The following BIRC6 variants were observed in gnomAD, a reference collection of about 807,000 sequenced individuals.
BIRC6 encodes the protein dual E2 ubiquitin-conjugating enzyme/E3 ubiquitin-protein ligase BIRC6.
In BIRC6, 98 loss-of-function variants were observed where a neutral mutation model predicts 503.3. That is an observed-to-expected ratio of 0.19 (90% CI 0.17 to 0.23). The LOEUF (loss-of-function observed/expected upper bound fraction) is 0.23. BIRC6 is among the 10% of genes least tolerant of loss of function. The pLI is 1.00. For synonymous variants in BIRC6, 2,240 were observed against 2,078.7 expected (o/e 1.08, Z -2.11); for missense variants, 5,360 against 5,806.0 (o/e 0.92, Z 2.50).
intron 1 of BIRC6, among the ~76,000 whole-genome samples, chr2:32,376,757 A>T (rs906884889): frequency 3.3e-5 from 5 of 152,228 alleles, no homozygotes; most frequent in Non-Finnish European, 7.3e-5. Context: ...CCTGTAATAA[A>T]GTTTAATTTA....
chr2:32,433,703 A>T lies in BIRC6; in HGVS notation c.3308A>T (p.His1103Leu). ...LVLPKACMVG[H>L]VDFKFVLNSN... Reference sequence around the variant, plus strand: ...CTACCTAAAGCTTGTATGGTTGGACATGTGGACTTCAAATTCGTTTTGAAC... The same window carrying T: ...CTACCTAAAGCTTGTATGGTTGGACTTGTGGACTTCAAATTCGTTTTGAAC... The change falls in exon 13 of 74, where the codon CAT (histidine) becomes CTT (leucine). Residue 1103 changes from histidine to leucine, a missense_variant. His to Leu is a moderately conservative substitution (Grantham distance 99). This residue lies in a region of BIRC6 where 2,299 missense variants were observed against 2,267.2 expected (regional missense o/e 1.01). Coordinates refer to ENST00000421745, the MANE Select transcript of BIRC6 (RefSeq NM_016252.4). The T allele has an allele frequency of 6.2e-7, 1 of 1,607,262 alleles. No homozygotes were observed. Among genetic ancestry groups the T allele is most frequent in the Non-Finnish European group, 8.5e-7 (1 of 1,175,096 alleles).
At position 32,415,776 on chromosome 2, in the gene BIRC6, A is replaced by T. The variant is rs1440637034; in HGVS notation, c.2485A>T (p.Lys829Ter). ...TAGTGGTGGATATTTAGTGCTTTAT[A>T]AAATGAATTATGCCACTCGGATAGT... ...NVSGGYLVLYKMNYATRIVTL... is the reference protein window; with the variant it reads ...NVSGGYLVLY The change falls in exon 10 of 74, where the codon AAA (lysine) becomes TAA (stop). Residue 829 changes from lysine (K) to a stop codon, truncating the protein, a stop_gained. Coordinates refer to ENST00000421745, the MANE Select transcript of BIRC6 (RefSeq NM_016252.4). LOFTEE classifies it high-confidence loss of function. 6.2e-7 allele frequency: 1 copy of T among 1,613,732 alleles called. No individual in the cohort carries two copies.
chr2:32,475,321 A>G (rs948487854), intron 33 of BIRC6, among the ~76,000 whole-genome samples: 9 of 152,154 alleles, frequency 5.9e-5, no homozygotes, highest in Admixed American at 2.6e-4. Flanking sequence ...TACATGCTGT[A>G]TGGAGAACAC....
chr2:32,612,304 A>C (rs2062933266), intron 73 of BIRC6, among the ~76,000 whole-genome samples: 1 of 152,160 alleles, frequency 6.6e-6, no homozygotes. Flanking sequence ...TTAGGGGAGA[A>C]AGCAGTTGTT....
chr2:32,574,166 T>TC (rs1469680473), intron 65 of BIRC6, among the ~76,000 whole-genome samples: 22 of 150,778 alleles, frequency 1.5e-4, no homozygotes, highest in African/African-American at 5.1e-4. Flanking sequence ...TTTTCTTTTT[T>TC]TTTTTTTTTT....
At chr2:32,360,602 C>G (rs1039418286) in intron 1 of BIRC6, among the ~76,000 whole-genome samples, 6 of 152,158 alleles carry the variant, frequency 3.9e-5, no homozygotes, top group Non-Finnish European at 8.8e-5. Context: ...TTAGCTAAGT[C>G]TTAGTCATTT....
Position 32,468,099 on chromosome 2 carries a change from A to T in BIRC6, c.5768A>T (p.Asp1923Val). The change falls in exon 28 of 74, where the codon GAT (aspartate) becomes GTT (valine). Residue 1923 changes from aspartate (D) to valine (V), a missense_variant. By Grantham distance (152) the Asp-to-Val change is radical. Transcript: ENST00000421745. ...HLAMMVALQE[D>V]IQCRYNLACH... ...GCAATGATGGTTGCTTTGCAGGAGG[A>T]TATACAGTGCAGGTTAGTACAGAGT... 6.2e-7 allele frequency: 1 copy of T among 1,613,868 alleles called. No homozygotes were observed. The highest frequency in any genetic ancestry group is 1.1e-5 in the South Asian group (1 of 91,048).
At chr2:32,578,876 C>CT (rs1267888924) in intron 66 of BIRC6, among the ~76,000 whole-genome samples, 2 of 150,772 alleles carry the variant, frequency 1.3e-5, no homozygotes, top group Non-Finnish European at 3.0e-5. Flanking sequence ...ATATTTCTGT[C>CT]TCTATTACTG....
intron 12 of BIRC6, 91 bp downstream of exon 12, chr2:32,431,181 C>CTTTTTATTTTTTTTT (rs2044061117): frequency 1.5e-5 from 1 of 65,364 alleles, no homozygotes; most frequent in African/African-American, 9.7e-5. Flanking sequence ...TACTGTTTAT[C>CTTTTTATTTTTTTTT]TTTTTTTTTT....
Position 32,382,196 on chromosome 2 carries a change from C to T in BIRC6, c.645+1906C>T, listed in dbSNP as rs563138400. Among the ~76,000 whole-genome samples the T allele has an allele frequency of 5.3e-5, 8 of 152,276 alleles. No homozygotes were observed. The South Asian group carries it at 1.0e-3, about 20-fold the overall frequency. On this transcript the variant is annotated intron_variant, in intron 3 of 73. Coordinates refer to ENST00000421745, the MANE Select transcript of BIRC6 (RefSeq NM_016252.4). The stretch of plus-strand genomic sequence containing the variant: ...ACCTAGAAACTTAGAGAATAGGCCC[C>T]GTGGATCTGGGACTAGGAAGTGCTA...
intron 57 of BIRC6, chr2:32,522,206 TTTGTACTATTTTTCTCTTCCTTATGGA>T (rs1188884125): frequency 6.7e-6 from 1 of 149,262 alleles, no homozygotes; most frequent in African/African-American, 2.4e-5. Context: ...TAGTAGTCTG[TTTGTACTATTTTTCTCTTCCTTATGGA>T]TTGTATGTTC....
rs1214442629 is a variant in BIRC6 at position 32,401,468 on chromosome 2, C to T, written c.1263C>T (p.His421=). 3 of 1,613,714 alleles carry T rather than the reference C, an allele frequency of 1.9e-6. No individual in the cohort carries two copies. The Admixed American group carries it at 5.0e-5, about 27-fold the overall frequency. ...TAGGCTTTTCATTTGTTTAGGTGCA[C>T]TTAAAGTTTGAAATTAATGCCTATG... ...IWDVSKLMKV[H]LKFEINAYDP... is the part of the protein sequence containing the mutation. The change falls in exon 8 of 74, where the codon CAC becomes CAT. Residue 421 remains histidine, a synonymous_variant. Coordinates refer to ENST00000421745, the MANE Select transcript of BIRC6 (RefSeq NM_016252.4).
rs763836262 is a variant in BIRC6 at position 32,441,495 on chromosome 2, A to G, written c.3944+33A>G. The G allele has an allele frequency of 4.4e-6, 7 of 1,578,170 alleles. No homozygotes were observed. In the Admixed American group the frequency reaches 1.2e-4, roughly 27 times the overall value. On this transcript the variant is annotated intron_variant, in intron 17 of 73. Coordinates refer to ENST00000421745, the MANE Select transcript of BIRC6 (RefSeq NM_016252.4). Reference sequence around the variant, plus strand: ...CATTGCATTATCTTGTTATTCTTACAGTAATGAAAGTGCAGAGCATAACAC... The same window carrying G: ...CATTGCATTATCTTGTTATTCTTACGGTAATGAAAGTGCAGAGCATAACAC...
intron 10 of BIRC6, among the ~76,000 whole-genome samples, chr2:32,428,319 A>T (rs2043747735): frequency 6.6e-6 from 1 of 152,176 alleles, no homozygotes; most frequent in East Asian, 1.9e-4. Context: ...ATTCTGTGTT[A>T]AATCCCTGGT....
intron 65 of BIRC6, among the ~76,000 whole-genome samples, chr2:32,567,849 C>T (rs1326715846): frequency 2.0e-5 from 3 of 152,136 alleles, no homozygotes; most frequent in Admixed American, 1.3e-4. Context: ...CGCCTGTAAT[C>T]CCAACACTTT....
intron 9 of BIRC6, among the ~76,000 whole-genome samples, chr2:32,408,413 T>G (rs1270651346): frequency 6.6e-6 from 1 of 152,122 alleles, no homozygotes; most frequent in African/African-American, 2.4e-5. Flanking sequence ...CCCGGCCAAG[T>G]TTTTGAACTC....
At position 32,415,181 on chromosome 2, in the gene BIRC6, G is replaced by A. The variant is rs760812435; in HGVS notation, c.1890G>A (p.Leu630=). Residue 630 remains leucine (L), a synonymous_variant, in exon 10 of 74, where the codon TTG becomes TTA. Transcript: ENST00000421745. ...SPLVRRTLPV[L]LLYSIKESDE... is the part of the protein sequence containing the mutation. ...TGGTAAGGAGGACTTTACCGGTTTT[G>A]CTTCTTTATAGCATCAAGGAATCTG... is the stretch of plus-strand genomic sequence containing the variant. The A allele has an allele frequency of 1.9e-6, 3 of 1,613,974 alleles. No homozygotes were observed. In the South Asian group the frequency reaches 3.3e-5, roughly 18 times the overall value.
chr2:32,600,629 TG>T (rs2061992188), intron 70 of BIRC6, among the ~76,000 whole-genome samples: 1 of 152,176 alleles, frequency 6.6e-6, no homozygotes, highest in African/African-American at 2.4e-5. Flanking sequence ...CACTGGAACT[TG>T]AATAGAGTGT....
Position 32,597,787 on chromosome 2 carries a change from A to T in BIRC6, c.13649A>T (p.Lys4550Ile). The change falls in exon 69 of 74, where the codon AAA (lysine) becomes ATA (isoleucine). Residue 4550 changes from lysine to isoleucine, a missense_variant. By Grantham distance (102) the Lys-to-Ile change is moderately radical. Coordinates refer to ENST00000421745, the MANE Select transcript of BIRC6 (RefSeq NM_016252.4). ...ATGGTTTCTGAAGATGAAGATGGGA[A>T]ATTGGGATTTAAAGTAAATTACCAC... ...FEMVSEDEDG[K>I]LGFKVNYHYM... 6.2e-7 allele frequency: 1 copy of T among 1,613,542 alleles called. No homozygotes were observed. The highest frequency in any genetic ancestry group is 8.5e-7 in the Non-Finnish European group (1 of 1,179,520).
Sources: allele counts gnomAD v4.1 joint callset (sites outside exome capture counted in the v4.1 genomes callset), GRCh38; gene constraint gnomAD v4.1.1; regional missense constraint gnomAD v4.1.1; transcripts MANE v1.5; gene names NCBI Gene and HGNC (gene_info 2026-07-23, HGNC 2026-07-21).